The following SF3A3 variants were observed in gnomAD, a reference collection of about 807,000 sequenced individuals.
The protein encoded by SF3A3 is SAP 61.
SF3A3 carries 9 observed loss-of-function variants against 85.8 expected under a neutral mutation model. That is an observed-to-expected ratio of 0.10 (90% CI 0.06 to 0.18). The LOEUF is 0.18. Among genes scored for constraint, SF3A3 ranks in the 10% least tolerant of loss-of-function variants. SF3A3 has a pLI of 1.00. For missense variants in SF3A3, 306 were observed against 593.3 expected (o/e 0.52, Z 5.03); for synonymous variants, 195 against 204.4 (o/e 0.95, Z 0.39).
At position 37,989,981 on chromosome 1, in the gene SF3A3, G is replaced by A. The variant is rs1484786480; in HGVS notation, c.-16C>T. ...TTGTCTCCATCTTCCCTTAGTCGCG[G>A]CTTCTCAATTCAGACCACCAACACG... On this transcript the variant is annotated 5_prime_UTR_variant, in exon 1 of 17. Coordinates refer to ENST00000373019, the MANE Select transcript of SF3A3 (RefSeq NM_006802.4). The A allele has an allele frequency of 1.3e-6, 2 of 1,596,052 alleles. No homozygotes were observed. The highest frequency in any genetic ancestry group is 1.3e-5 in the African/African-American group (1 of 74,680).
intron 12 of SF3A3, 111 bp from the exon 13 acceptor site, chr1:37,969,846 C>T: frequency 8.4e-7 from 1 of 1,189,554 alleles, no homozygotes; most frequent in Non-Finnish European, 1.2e-6. Context: ...GGATAAGGTT[C>T]TTTCTTACAG....
intron 12 of SF3A3, among the ~76,000 whole-genome samples, chr1:37,972,211 A>G (rs1230651599): frequency 6.6e-6 from 1 of 152,220 alleles, no homozygotes; most frequent in Non-Finnish European, 1.5e-5. Context: ...ATACACCAAT[A>G]ACAGATAAAC....
chr1:37,989,550 C>T lies in SF3A3; in HGVS notation c.142G>A (p.Asp48Asn), dbSNP rs2148726383. The change falls in exon 2 of 17, where the codon GAT (aspartate) becomes AAT (asparagine). Residue 48 changes from aspartate (D) to asparagine (N), a missense_variant and splice_region_variant. Around this residue, in one of 4 missense-constraint regions of SF3A3, gnomAD observed 152 missense variants for 192.0 expected, o/e 0.79. Transcript: ENST00000373019. ...GAGGCAGACAGCTGGGCACTCACAT[C>T]TTGCATGGCCCGAGTGCGGTGATCA... ...NSDHRTRAMQDRYMEVSGNLR... is the reference protein window; with the variant it reads ...NSDHRTRAMQNRYMEVSGNLR... 5 of 1,613,738 alleles carry T rather than the reference C, an allele frequency of 3.1e-6. No homozygotes were observed. The highest frequency in any genetic ancestry group is 3.3e-5 in the Admixed American group (2 of 59,850).
At chr1:37,963,427 G>A (rs1646276064) in intron 15 of SF3A3, among the ~76,000 whole-genome samples, 1 of 152,144 alleles carries the variant, frequency 6.6e-6, no homozygotes, top group South Asian at 2.1e-4. Flanking sequence ...GCCATGATGG[G>A]TAGAAATAAT....
rs776648533 is a variant in SF3A3 at position 37,984,287 on chromosome 1, T to G, written c.377-27A>C. On this transcript the variant is annotated intron_variant, in intron 5 of 16. Coordinates refer to ENST00000373019, the MANE Select transcript of SF3A3 (RefSeq NM_006802.4). ...TGAGGGAATCAGATACATCAATGAT[T>G]CAGTTTCTACAGACCACTCTCTTGG... 2.9e-5 allele frequency: 40 copies of G among 1,361,864 alleles called. 1 individual carries two copies. In the South Asian group the frequency reaches 4.8e-4, roughly 16 times the overall value. The allele number at this position is 1,361,864 out of a possible 1,614,324, so 84.4% of individuals were successfully genotyped here. A position where few individuals can be genotyped will look rare whatever the true frequency, so the allele number is the denominator to read the frequency against.
intron 2 of SF3A3, among the ~76,000 whole-genome samples, chr1:37,988,857 T>TG (rs1646472900): frequency 1.4e-5 from 2 of 146,660 alleles, no homozygotes; most frequent in African/African-American, 5.2e-5. Flanking sequence ...ACGGGGTGTG[T>TG]TGTGTGTGTG....
At chr1:37,986,533 C>T (rs1007018703) in intron 4 of SF3A3, among the ~76,000 whole-genome samples, 2 of 151,706 alleles carry the variant, frequency 1.3e-5, no homozygotes, top group South Asian at 2.1e-4. Flanking sequence ...ATATGAGGGC[C>T]GGGCGCGGTG....
At chr1:37,961,165 A>G (rs1646254987) in intron 15 of SF3A3, among the ~76,000 whole-genome samples, 2 of 152,254 alleles carry the variant, frequency 1.3e-5, no homozygotes, top group Non-Finnish European at 2.9e-5. Flanking sequence ...TCACAGAGAG[A>G]CAGTTAAAGC....
intron 15 of SF3A3, among the ~76,000 whole-genome samples, chr1:37,964,432 C>A (rs531723710): frequency 1.3e-5 from 2 of 151,952 alleles, no homozygotes; most frequent in Non-Finnish European, 2.9e-5. Flanking sequence ...TGCTAAAACC[C>A]TGTCTCTACT....
In SF3A3 at chr1:37,989,954, T is replaced by C. The variant is rs1646484407; in HGVS notation, c.12A>G (p.Ile4Met). The change falls in exon 1 of 17, where the codon ATA (isoleucine) becomes ATG (methionine). Residue 4 changes from isoleucine (I) to methionine (M), a missense_variant. Ile to Met is a conservative substitution (Grantham distance 10). This residue lies in a region of SF3A3 where 152 missense variants were observed against 192.0 expected (regional missense o/e 0.79). Transcript: ENST00000373019. ...CATGATAGCGCCGCTGCTGCTCCAG[T>C]ATTGTCTCCATCTTCCCTTAGTCGC... MET[I>M]LEQQRRYHEE... 1 of 1,611,548 alleles carries C rather than the reference T, an allele frequency of 6.2e-7. No individual in the cohort carries two copies. The highest frequency in any genetic ancestry group is 8.5e-7 in the Non-Finnish European group (1 of 1,179,448).
chr1:37,981,946 T>C, intron 6 of SF3A3, 135 bp from the exon 7 acceptor site: 1 of 580,504 alleles, frequency 1.7e-6, no homozygotes, highest in Non-Finnish European at 3.0e-6. Context: ...AATTTTGGTT[T>C]TTTTTGCTTG....
rs1646443050 is a variant in SF3A3, at chr1:37,984,698, C to G, written c.376+9G>C. 1.9e-6 allele frequency: 3 copies of G among 1,602,358 alleles called. No individual in the cohort carries two copies. The highest frequency in any genetic ancestry group is 2.6e-6 in the Non-Finnish European group (3 of 1,169,356). On this transcript the variant is annotated intron_variant, in intron 5 of 16. Transcript: ENST00000373019. ...GCTGGTGCTGAATGAAATTTTCACC[C>G]CTACTTACTTTGTGCCTCTTCACTT...
In SF3A3 at chr1:37,986,443, G is replaced by A. The variant is rs188297694; in HGVS notation, c.303+1130C>T. On this transcript the variant is annotated intron_variant, in intron 4 of 16. Coordinates refer to ENST00000373019, the MANE Select transcript of SF3A3 (RefSeq NM_006802.4). ...TAACTTCAGTAAGGCAACACCACCT[G>A]GAGTGGTCATGTGACCTTTCTGATG... Among the ~76,000 whole-genome samples the A allele has an allele frequency of 1.3e-3, 194 of 152,226 alleles. 1 individual carries two copies. Among genetic ancestry groups the A allele is most frequent in the Non-Finnish European group, 1.9e-3 (131 of 68,004 alleles).
chr1:37,989,771 A>C, intron 1 of SF3A3, 99 bp downstream of exon 1: 2 of 1,239,492 alleles, frequency 1.6e-6, no homozygotes, highest in Non-Finnish European at 2.3e-6. Flanking sequence ...AGCCCGGAGG[A>C]AGGCAGGGAG....
intron 15 of SF3A3, among the ~76,000 whole-genome samples, chr1:37,961,780 A>AG (rs1475055302): frequency 1.4e-5 from 2 of 141,772 alleles, no homozygotes; most frequent in African/African-American, 2.9e-5. Context: ...AAAAAAAAAA[A>AG]AAAGAAAGAA....
At chr1:37,962,551 C>T (rs749993582) in intron 15 of SF3A3, among the ~76,000 whole-genome samples, 4 of 132,890 alleles carry the variant, frequency 3.0e-5, no homozygotes, top group South Asian at 2.3e-4. Context: ...TGCAGTGGGC[C>T]GAGATCGTGC....
chr1:37,959,995 A>T, intron 16 of SF3A3, 125 bp downstream of exon 16: 1 of 610,350 alleles, frequency 1.6e-6, no homozygotes, highest in Non-Finnish European at 2.9e-6. Flanking sequence ...GTCAATTTGT[A>T]GATATTGTCA....
At position 37,958,283 on chromosome 1, in the gene SF3A3, C is replaced by T; in HGVS notation, c.1429-20G>A. The T allele has an allele frequency of 6.5e-7, 1 of 1,533,982 alleles. No homozygotes were observed. Among genetic ancestry groups the T allele is most frequent in the Non-Finnish European group, 9.0e-7 (1 of 1,106,834 alleles). On this transcript the variant is annotated intron_variant, in intron 16 of 16. Transcript: ENST00000373019. ...TTCTTCCTGAAAAGGAAGGGGTACACTTTGTTAGACAGCTCTCCTAAAAGA... is the reference window on the plus strand; with the variant it reads ...TTCTTCCTGAAAAGGAAGGGGTACATTTTGTTAGACAGCTCTCCTAAAAGA...
chr1:37,968,845 A>C (rs907311242), intron 14 of SF3A3, among the ~76,000 whole-genome samples: 2 of 151,932 alleles, frequency 1.3e-5, no homozygotes, highest in African/African-American at 4.8e-5. Flanking sequence ...AAATCTAAGA[A>C]CTCTAAGTAG....
Sources: gnomAD v4.1 joint callset for allele counts (sites outside exome capture counted in the v4.1 genomes callset) on GRCh38, gnomAD v4.1.1 for gene constraint, gnomAD v4.1.1 regional missense constraint, MANE v1.5 for transcripts, NCBI Gene and HGNC (gene_info 2026-07-23, HGNC 2026-07-21) for gene names.